HSPH1: variants seen among roughly 807,000 people sequenced by gnomAD.
HSPH1 encodes heat shock protein 105 kDa.
HSPH1 carries 40 observed loss-of-function variants against 100.0 expected under a neutral mutation model. That is an observed-to-expected ratio of 0.40 (90% CI 0.31 to 0.52). The LOEUF is 0.52. HSPH1 is among the 20% of genes least tolerant of loss of function. The pLI, the probability that HSPH1 is intolerant of heterozygous loss-of-function variation, is 0.54. For missense variants in HSPH1, 876 were observed against 1,015.1 expected, an observed-to-expected ratio of 0.86 and a Z score of 1.86; for synonymous variants, 403 against 344.0, an observed-to-expected ratio of 1.17 and a Z score of -1.90.
chr13:31,145,282 A>G (rs1781167134), intron 11 of HSPH1, among the ~76,000 whole-genome samples: 3 of 152,148 alleles, frequency 2.0e-5, no homozygotes, highest in Admixed American at 6.5e-5. Flanking sequence ...TGTGTGGTCT[A>G]TGTCTTCAAA....
upstream of HSPH1, chr13:31,162,145 A>T (rs1056576313): frequency 4.0e-6 from 6 of 1,493,528 alleles, no homozygotes; most frequent in Non-Finnish European, 5.4e-6. Flanking sequence ...GCCTCCGCCC[A>T]CTCCCGCCCT....
intron 3 of HSPH1, among the ~76,000 whole-genome samples, chr13:31,155,253 T>C (rs1956641520): frequency 6.6e-6 from 1 of 152,178 alleles, no homozygotes; most frequent in Non-Finnish European, 1.5e-5. Context: ...CGATTTTTTT[T>C]CCAACATCAA....
chr13:31,148,142 C>A, intron 9 of HSPH1, 50 bp from the exon 10 acceptor site: 1 of 1,543,540 alleles, frequency 6.5e-7, no homozygotes, highest in Non-Finnish European at 8.8e-7. Flanking sequence ...TTAAAATATG[C>A]TTACTGTGCT....
rs752537482 is a variant in HSPH1 at position 31,137,459 on chromosome 13, C to T, written c.2436G>A (p.Leu812=). 3 of 1,613,370 alleles carry T rather than the reference C, an allele frequency of 1.9e-6. No individual in the cohort carries two copies. In the African/African-American group the frequency reaches 4.0e-5, roughly 22 times the overall value. Residue 812 remains leucine, a synonymous_variant, in exon 18 of 18, where the codon CTG becomes CTA. Transcript: ENST00000320027. ...TATTTGGGCCATTTGGAGTTCTTTCCAGTTTGGGTGATTCAATTTTTGGTT... is the reference window on the plus strand; with the variant it reads ...TATTTGGGCCATTTGGAGTTCTTTCTAGTTTGGGTGATTCAATTTTTGGTT... ...QPKPKIESPK[L]ERTPNGPNID... is the part of the protein sequence containing the mutation.
chr13:31,145,053 T>C (rs187043963), intron 11 of HSPH1, among the ~76,000 whole-genome samples: 2 of 152,286 alleles, frequency 1.3e-5, no homozygotes, highest in East Asian at 1.9e-4. Context: ...CTCATGCTAA[T>C]GATGAATAAC....
At chr13:31,157,887 C>A (rs528083006) in intron 2 of HSPH1, among the ~76,000 whole-genome samples, 2 of 151,974 alleles carry the variant, frequency 1.3e-5, no homozygotes, top group Non-Finnish European at 2.9e-5. Context: ...ACTATCACTT[C>A]AATAAGTAGT....
chr13:31,154,435 A>T (rs1593206603), intron 4 of HSPH1, 198 bp downstream of exon 4: 1 of 623,264 alleles, frequency 1.6e-6, no homozygotes, highest in East Asian at 2.8e-5. Context: ...TTTGATTTCC[A>T]GTCAAGAACC....
chr13:31,135,526 TAAG>T lies in HSPH1; in HGVS notation c.*1789_*1791del, dbSNP rs1417453580. The stretch of plus-strand genomic sequence containing the variant: ...GAATAGCTGACATAAAGATTCTTAG[TAAG>T]AACATTTTACATTCCAATATTACAA... On this transcript the variant is annotated 3_prime_UTR_variant, in exon 18 of 18. Coordinates refer to ENST00000320027, the MANE Select transcript of HSPH1 (RefSeq NM_006644.4). 6.6e-6 allele frequency: 1 copy of T among 151,690 alleles called. No homozygotes were observed. Among genetic ancestry groups the T allele is most frequent in the Non-Finnish European group, 1.5e-5 (1 of 68,022 alleles). The allele number at this position is 151,690 out of a possible 1,614,324, so 9.4% of individuals were successfully genotyped here. A position where few individuals can be genotyped will look rare whatever the true frequency, so the allele number is the denominator to read the frequency against.
chr13:31,140,206 T>A lies in HSPH1; in HGVS notation c.1958A>T (p.Tyr653Phe). 6.2e-7 allele frequency: 1 copy of A among 1,611,456 alleles called. No homozygotes were observed. Among genetic ancestry groups the A allele is most frequent in the Non-Finnish European group, 8.5e-7 (1 of 1,178,470 alleles). Reference sequence around the variant, plus strand: ...TACCTGCTCACATATAAATTTTTCATATGGTCCACACAGCTTGTCTCTGAA... The same window carrying A: ...TACCTGCTCACATATAAATTTTTCAAATGGTCCACACAGCTTGTCTCTGAA... ...YEFRDKLCGP[Y>F]EKFICEQDHQ... is the part of the protein sequence containing the mutation. Residue 653 changes from tyrosine (Y) to phenylalanine (F), a missense_variant, in exon 14 of 18, where the codon TAT becomes TTT. By Grantham distance (22) the Tyr-to-Phe change is conservative (BLOSUM62 3). Coordinates refer to ENST00000320027, the MANE Select transcript of HSPH1 (RefSeq NM_006644.4).
chr13:31,149,962 C>T lies in HSPH1; in HGVS notation c.1129G>A (p.Ala377Thr). The change falls in exon 8 of 18, where the codon GCA becomes ACA. Residue 377 changes from alanine (A) to threonine (T), a missense_variant. Ala to Thr is a moderately conservative substitution (Grantham distance 58). Transcript: ENST00000320027. ...CAGAGTTGAGAAAGTACCTGTAATG[C>T]ACATCCTCTGGCTACTGCTTCATCT... The part of the protein sequence containing the change: ...NADEAVARGC[A>T]LQCAILSPAF... 1 of 1,612,936 alleles carries T rather than the reference C, an allele frequency of 6.2e-7. No individual in the cohort carries two copies. The highest frequency in any genetic ancestry group is 2.2e-5 in the East Asian group (1 of 44,856).
chr13:31,140,530 T>C (rs1565995879), intron 13 of HSPH1: 5 of 312,484 alleles, frequency 1.6e-5, no homozygotes, highest in Admixed American at 1.4e-4. Flanking sequence ...TGTAACCGAT[T>C]ACACAGACTT....
chr13:31,152,497 A>T (rs904843088), intron 5 of HSPH1: 10 of 219,922 alleles, frequency 4.5e-5, no homozygotes, highest in Non-Finnish European at 9.1e-5. Context: ...AAAATTTTTT[A>T]AACTAAATCA....
chr13:31,146,490 G>A (rs141362840), intron 10 of HSPH1, among the ~76,000 whole-genome samples: 140 of 152,274 alleles, frequency 9.2e-4, no homozygotes, highest in Middle Eastern at 6.8e-3. Context: ...TAAGGAAGAT[G>A]ATAGCAAGCA....
chr13:31,157,541 C>T (rs1051510949), intron 2 of HSPH1, among the ~76,000 whole-genome samples: 1 of 152,148 alleles, frequency 6.6e-6, no homozygotes, highest in Non-Finnish European at 1.5e-5. Flanking sequence ...TTTTTGTTTT[C>T]AAATCTGACC....
At chr13:31,148,637 G>T (rs917184654) in intron 8 of HSPH1, among the ~76,000 whole-genome samples, 157 bp from the exon 9 acceptor site, 1 of 138,092 alleles carries the variant, frequency 7.2e-6, no homozygotes, top group Non-Finnish European at 1.6e-5. Context: ...TCTAAACAAA[G>T]AATTTATTTT....
At chr13:31,150,707 C>T (rs1054054333) in intron 7 of HSPH1, among the ~76,000 whole-genome samples, 1 of 152,144 alleles carries the variant, frequency 6.6e-6, no homozygotes, top group Admixed American at 6.5e-5. Flanking sequence ...GAAAATACCA[C>T]GAAGACTTGA....
At chr13:31,138,645 C>T in intron 16 of HSPH1, 77 bp from the exon 17 acceptor site, 1 of 1,520,878 alleles carries the variant, frequency 6.6e-7, no homozygotes, top group Non-Finnish European at 8.9e-7. Flanking sequence ...TTCCAGGAAG[C>T]TCAAGTTCAA....
chr13:31,158,973 A>T, intron 1 of HSPH1, 110 bp from the exon 2 acceptor site: 2 of 686,110 alleles, frequency 2.9e-6, no homozygotes, highest in South Asian at 3.3e-5. Context: ...ATAGGGAACA[A>T]GCATAGCACA....
chr13:31,161,912 G>A (rs746105745), upstream of HSPH1: 17 of 1,512,592 alleles, frequency 1.1e-5, no homozygotes, highest in East Asian at 2.5e-5. Flanking sequence ...CCCAAAAGGG[G>A]AGGTCCCACT....
Sources: allele counts gnomAD v4.1 joint callset (sites outside exome capture counted in the v4.1 genomes callset), GRCh38; gene constraint gnomAD v4.1.1; transcripts MANE v1.5; gene names NCBI Gene and HGNC (gene_info 2026-07-23, HGNC 2026-07-21).